Variants in JAKMIP1 observed in about 807,000 individuals in gnomAD.
The protein encoded by JAKMIP1 is janus kinase and microtubule-interacting protein 1.
In JAKMIP1, 33 loss-of-function variants were observed where a neutral mutation model predicts 113.0. The ratio of observed to expected loss-of-function variants is 0.29; its 90% CI spans 0.22 to 0.39. The LOEUF (loss-of-function observed/expected upper bound fraction) is 0.39. Ranked by LOEUF, JAKMIP1 falls within the 10% of genes least tolerant of loss-of-function variation. The pLI is 1.00. For missense variants in JAKMIP1, 813 were observed against 1,080.5 expected, an observed-to-expected ratio of 0.75 and a Z score of 3.47; for synonymous variants, 480 against 459.9, an observed-to-expected ratio of 1.04 and a Z score of -0.56.
At chr4:6,164,647 C>A (rs1428785107) in intron 1 of JAKMIP1, among the ~76,000 whole-genome samples, 1 of 152,184 alleles carries the variant, frequency 6.6e-6, no homozygotes, top group Non-Finnish European at 1.5e-5. Flanking sequence ...ATTCTAGATG[C>A]ATTAAGAACA....
chr4:6,119,782 G>C (rs1451184428), intron 1 of JAKMIP1, among the ~76,000 whole-genome samples: 1 of 152,212 alleles, frequency 6.6e-6, no homozygotes, highest in Non-Finnish European at 1.5e-5. Context: ...GATCAGAAGG[G>C]ACCTTTGCCT....
chr4:6,082,036 G>A (rs1231193570), intron 5 of JAKMIP1, among the ~76,000 whole-genome samples: 1 of 152,130 alleles, frequency 6.6e-6, no homozygotes, highest in Non-Finnish European at 1.5e-5. Context: ...GAAAGAATTA[G>A]AAACAACTTA....
chr4:6,121,259 G>A (rs1057383129), intron 1 of JAKMIP1, among the ~76,000 whole-genome samples: 1 of 151,462 alleles, frequency 6.6e-6, no homozygotes, highest in Non-Finnish European at 1.5e-5. Context: ...ATTCTCACTG[G>A]CATGTGCTGC....
rs778315949 is a variant in JAKMIP1 at position 6,081,086 on chromosome 4, G to C, written c.1101+523C>G. 6.6e-6 allele frequency among the ~76,000 whole-genome samples: 1 copy of C among 151,918 alleles called. No homozygotes were observed. Among genetic ancestry groups the C allele is most frequent in the Non-Finnish European group, 1.5e-5 (1 of 68,022 alleles). On this transcript the variant is annotated intron_variant, in intron 6 of 20. Transcript: ENST00000409021. This position sits in a 1 kb window ranked among gnomAD's most constrained non-coding sequence, Gnocchi z 4.6. ...CCTCCGTCTTCCCGGCTGTGAAGTG[G>C]GGGTTGATACTACTCTGAACAATGA...
intron 1 of JAKMIP1, among the ~76,000 whole-genome samples, chr4:6,165,078 G>C (rs1045914662): frequency 6.6e-6 from 1 of 152,196 alleles, no homozygotes; most frequent in Non-Finnish European, 1.5e-5. Context: ...GTGTGCTACA[G>C]AGAAATCTTT....
chr4:6,144,834 G>A (rs1720632799), intron 1 of JAKMIP1, among the ~76,000 whole-genome samples: 1 of 152,156 alleles, frequency 6.6e-6, no homozygotes, highest in African/African-American at 2.4e-5. Flanking sequence ...AAAGATGTCT[G>A]TTCTTGTCAA....
At chr4:6,102,589 T>C (rs763781685) in intron 3 of JAKMIP1, among the ~76,000 whole-genome samples, 12 of 152,054 alleles carry the variant, frequency 7.9e-5, no homozygotes, top group Non-Finnish European at 1.3e-4. Flanking sequence ...ATTTCTATTA[T>C]ATATAAGTTA....
intron 1 of JAKMIP1, among the ~76,000 whole-genome samples, chr4:6,113,867 C>T (rs1715329981): frequency 6.6e-6 from 1 of 152,232 alleles, no homozygotes; most frequent in African/African-American, 2.4e-5. Context: ...GCTGTGTCCT[C>T]CATGCCTAGA....
chr4:6,038,870 C>A (rs1449108000), intron 18 of JAKMIP1, among the ~76,000 whole-genome samples: 1 of 152,188 alleles, frequency 6.6e-6, no homozygotes, highest in Non-Finnish European at 1.5e-5. Flanking sequence ...ACGCACCACT[C>A]GATTCTGGAA....
chr4:6,032,976 T>A, intron 19 of JAKMIP1, among the ~76,000 whole-genome samples: 1 of 152,168 alleles, frequency 6.6e-6, no homozygotes, highest in East Asian at 1.9e-4. Context: ...AGGCCAACTG[T>A]GGCTAGGAAG....
intron 8 of JAKMIP1, among the ~76,000 whole-genome samples, chr4:6,073,980 GC>G (rs1184597937): frequency 6.6e-6 from 1 of 152,214 alleles, no homozygotes; most frequent in African/African-American, 2.4e-5. Context: ...TCCTGAGCAA[GC>G]CCCCTACCCC....
Position 6,129,022 on chromosome 4 carries a change from G to C in JAKMIP1, c.-147-16025C>G, listed in dbSNP as rs1718141116. 6.6e-6 allele frequency among the ~76,000 whole-genome samples: 1 copy of C among 152,244 alleles called. No individual in the cohort carries two copies. The highest frequency in any genetic ancestry group is 1.5e-5 in the Non-Finnish European group (1 of 68,050). ...AGCTCCTTCCACACCATCAGGTTTA[G>C]TTGAATCTCCAGTACCAGGCAAGGT... On this transcript the variant is annotated intron_variant, in intron 1 of 20. Transcript: ENST00000409021. This position sits in a 1 kb window ranked among gnomAD's most constrained non-coding sequence, Gnocchi z 5.4.
At chr4:6,195,522 C>G (rs1268162568) in intron 1 of JAKMIP1, among the ~76,000 whole-genome samples, 4 of 152,212 alleles carry the variant, frequency 2.6e-5, no homozygotes, top group African/African-American at 9.6e-5. Context: ...AGATATCACA[C>G]ACATTCTCTT....
In JAKMIP1 at chr4:6,040,730, A is replaced by T; in HGVS notation, c.2098-14T>A. 6.2e-7 allele frequency: 1 copy of T among 1,605,204 alleles called. No homozygotes were observed. The highest frequency in any genetic ancestry group is 8.5e-7 in the Non-Finnish European group (1 of 1,172,786). ...GCTGAACAGGTCCTGAGAAAGAGGG[A>T]GGCGCCATCAGGGACCAGCGTCAGA... On this transcript the variant is annotated splice_polypyrimidine_tract_variant and intron_variant, in intron 17 of 20. Transcript: ENST00000409021. This position sits in a 1 kb window ranked among gnomAD's most constrained non-coding sequence, Gnocchi z 5.8.
chr4:6,130,915 T>C (rs1401232667), intron 1 of JAKMIP1, among the ~76,000 whole-genome samples: 4 of 151,458 alleles, frequency 2.6e-5, no homozygotes, highest in Non-Finnish European at 5.9e-5. Flanking sequence ...GGTTCAAACC[T>C]ATAACCCCAG....
rs1423562115 is a variant in JAKMIP1, at chr4:6,178,541, G to A, written c.-148+21712C>T. On this transcript the variant is annotated intron_variant, in intron 1 of 20. Coordinates refer to ENST00000409021, the MANE Select transcript of JAKMIP1 (RefSeq NM_001099433.2). This position sits in a 1 kb window ranked among gnomAD's most constrained non-coding sequence, Gnocchi z 5.5. ...GAATTGAAGTAGGTGGTTTTCTGAT[G>A]ATATTGGAAGCATTTCATGAACCGG... is the stretch of plus-strand genomic sequence containing the variant. Among the ~76,000 whole-genome samples, 2 of 152,070 alleles carry A rather than the reference G, an allele frequency of 1.3e-5. No individual in the cohort carries two copies. Among genetic ancestry groups the A allele is most frequent in the Non-Finnish European group, 2.9e-5 (2 of 68,018 alleles).
rs138501404 is a variant in JAKMIP1, at chr4:6,144,042, A to T, written c.-147-31045T>A. Among the ~76,000 whole-genome samples, 666 of 152,310 alleles carry T rather than the reference A, an allele frequency of 4.4e-3. 4 individuals carry two copies. The highest frequency in any genetic ancestry group is 0.015 in the African/African-American group (632 of 41,562). Reference sequence around the variant, plus strand: ...GCCTGGCATGGGGAGGAGGCTCAGGAAGGAGGAGCTGCATCATGACACAGA... The same window carrying T: ...GCCTGGCATGGGGAGGAGGCTCAGGTAGGAGGAGCTGCATCATGACACAGA... On this transcript the variant is annotated intron_variant, in intron 1 of 20. Transcript: ENST00000409021.
rs1722117196 is a variant in JAKMIP1 at position 6,155,429 on chromosome 4, G to A, written c.-147-42432C>T. Among the ~76,000 whole-genome samples the A allele has an allele frequency of 6.6e-6, 1 of 152,146 alleles. No individual in the cohort carries two copies. Among genetic ancestry groups the A allele is most frequent in the Admixed American group, 6.5e-5 (1 of 15,280 alleles). On this transcript the variant is annotated intron_variant, in intron 1 of 20. Transcript: ENST00000409021. This position sits in a 1 kb window ranked among gnomAD's most constrained non-coding sequence, Gnocchi z 6.1. Reference sequence around the variant, plus strand: ...CTAGAGATTTAAAAAGTATGGAAAGGCTAAAACACTTGTCCAAAAGTGCAC... The same window carrying A: ...CTAGAGATTTAAAAAGTATGGAAAGACTAAAACACTTGTCCAAAAGTGCAC...
chr4:6,160,085 A>G (rs1722727109), intron 1 of JAKMIP1, among the ~76,000 whole-genome samples: 2 of 152,202 alleles, frequency 1.3e-5, no homozygotes, highest in Admixed American at 1.3e-4. Flanking sequence ...TCTTAGAAAG[A>G]GAAGGTGGAA....
Sources: allele counts gnomAD v4.1 joint callset (sites outside exome capture counted in the v4.1 genomes callset), GRCh38; gene constraint gnomAD v4.1.1; non-coding constraint Gnocchi (gnomAD v3.1); transcripts MANE v1.5; gene names NCBI Gene and HGNC (gene_info 2026-07-23, HGNC 2026-07-21).